Variants in SHISA9 observed in about 807,000 individuals in gnomAD.
SHISA9 encodes shisa family member 9.
In SHISA9, 13 loss-of-function variants were observed where a neutral mutation model predicts 38.0. The observed-to-expected ratio is 0.34, with a 90% CI of 0.22 to 0.54. The LOEUF is 0.54. Among genes scored for constraint, SHISA9 ranks in the 20% least tolerant of loss-of-function variants. The probability of loss-of-function intolerance (pLI) is 0.91; values close to 1 mark genes in which losing one functional copy is unlikely to be tolerated. For synonymous variants in SHISA9, 275 were observed against 242.0 expected (o/e 1.14, Z -1.27); for missense variants, 538 against 575.8 (o/e 0.93, Z 0.67).
chr16:13,546,618 T>G, the SHISA9 span, among the ~76,000 whole-genome samples: 1 of 152,214 alleles, frequency 6.6e-6, no homozygotes, highest in African/African-American at 2.4e-5. Context: ...GATTTCCTGA[T>G]GCCCTGAAGA....
the SHISA9 span, among the ~76,000 whole-genome samples, chr16:13,486,409 A>G: frequency 4.6e-5 from 7 of 152,170 alleles, no homozygotes; most frequent in African/African-American, 2.4e-5. Context: ...CTAGTACCCT[A>G]CTTCTCTGAA....
the SHISA9 span, among the ~76,000 whole-genome samples, chr16:13,540,660 C>A: frequency 6.6e-6 from 1 of 152,116 alleles, no homozygotes; most frequent in Admixed American, 6.6e-5. Flanking sequence ...TCTTCGGAAA[C>A]CAAGTTTGGG....
chr16:13,374,835 C>T, the SHISA9 span, among the ~76,000 whole-genome samples: 2 of 152,174 alleles, frequency 1.3e-5, no homozygotes, highest in Non-Finnish European at 2.9e-5. Flanking sequence ...CTGTTGTTTC[C>T]TGACTTTTTA....
intron 2 of SHISA9, among the ~76,000 whole-genome samples, chr16:13,163,453 T>C (rs760643470): frequency 5.3e-5 from 8 of 152,208 alleles, no homozygotes; most frequent in Non-Finnish European, 1.2e-4. Context: ...TGCGATTGCA[T>C]TGAGTTTAAT....
At chr16:13,555,304 G>A in the SHISA9 span, among the ~76,000 whole-genome samples, 1 of 151,832 alleles carries the variant, frequency 6.6e-6, no homozygotes, top group Non-Finnish European at 1.5e-5. Flanking sequence ...ATTTTTTCTG[G>A]GCTTATAAAC....
intron 2 of SHISA9, among the ~76,000 whole-genome samples, chr16:12,970,907 T>A (rs561471257): frequency 3.3e-5 from 5 of 152,244 alleles, no homozygotes; most frequent in African/African-American, 1.2e-4. Flanking sequence ...TTACTGTATT[T>A]GTCTGCAGTG....
At chr16:13,535,956 A>G in the SHISA9 span, among the ~76,000 whole-genome samples, 2 of 152,078 alleles carry the variant, frequency 1.3e-5, no homozygotes, top group East Asian at 1.9e-4. Context: ...TGTTCGTCCA[A>G]TAGACCAAGA....
chr16:13,462,910 C>T, the SHISA9 span, among the ~76,000 whole-genome samples: 14 of 152,002 alleles, frequency 9.2e-5, 1 homozygote, highest in South Asian at 1.5e-3. Context: ...TGCAGGGAGC[C>T]GAGATCGCAC....
At chr16:12,947,733 C>A (rs762480968) in intron 2 of SHISA9, among the ~76,000 whole-genome samples, 1 of 152,156 alleles carries the variant, frequency 6.6e-6, no homozygotes, top group African/African-American at 2.4e-5. Context: ...ATTAATCACA[C>A]GAAGGAAAGA....
chr16:13,172,675 G>C lies in SHISA9; in HGVS notation c.692-30719G>C, dbSNP rs1345857300. Among the ~76,000 whole-genome samples, 3 of 150,298 alleles carry C rather than the reference G, an allele frequency of 2.0e-5. No individual in the cohort carries two copies. The East Asian group carries it at 5.8e-4, about 29-fold the overall frequency. ...ACAATGTCAGCCTGGTTTCGCGTCT[G>C]TTTAGGCCCATGAGAGAGTACCAAG... On this transcript the variant is annotated intron_variant, in intron 2 of 4. Transcript: ENST00000558583.
At chr16:13,550,218 C>T in the SHISA9 span, among the ~76,000 whole-genome samples, 1 of 151,966 alleles carries the variant, frequency 6.6e-6, no homozygotes, top group African/African-American at 2.4e-5. Flanking sequence ...GAGGCATTCA[C>T]ATCCCCCTCT....
chr16:13,193,293 A>T (rs6498394), intron 2 of SHISA9, among the ~76,000 whole-genome samples: 78,453 of 151,858 alleles, frequency 0.52, 21,612 homozygotes, highest in African/African-American at 0.72. Flanking sequence ...AGGATGGTTT[A>T]ACTTAAGAGA....
chr16:13,487,976 C>T, the SHISA9 span, among the ~76,000 whole-genome samples: 1 of 152,174 alleles, frequency 6.6e-6, no homozygotes, highest in Admixed American at 6.5e-5. Context: ...AGGGATCTCA[C>T]TCAATGAGAC....
the SHISA9 span, among the ~76,000 whole-genome samples, chr16:13,298,625 C>A: frequency 5.8e-3 from 887 of 152,270 alleles, 7 homozygotes; most frequent in African/African-American, 0.02. Flanking sequence ...TTGTCTGACT[C>A]TAGGGCTTGA....
chr16:13,275,763 A>C, the SHISA9 span, among the ~76,000 whole-genome samples: 6 of 151,916 alleles, frequency 3.9e-5, no homozygotes, highest in African/African-American at 1.2e-4. Context: ...TTTCTTTACT[A>C]ATATTCCTTT....
chr16:13,218,052 G>A lies in SHISA9; in HGVS notation c.895+4752G>A, dbSNP rs2051188000. On this transcript the variant is annotated intron_variant, in intron 4 of 4. Coordinates refer to ENST00000558583, the MANE Select transcript of SHISA9 (RefSeq NM_001145204.3). ...GGAGGGAGGGAGGGAGGGAAGGAAG[G>A]TAGGAAGGAAGGAAGGAAAAAAAGA... Among the ~76,000 whole-genome samples the A allele has an allele frequency of 1.3e-5, 2 of 151,862 alleles. 1 individual carries two copies. Among genetic ancestry groups the A allele is most frequent in the South Asian group, 4.1e-4 (2 of 4,822 alleles).
At chr16:12,953,208 T>TCAACAA (rs71393724) in intron 2 of SHISA9, among the ~76,000 whole-genome samples, 109 of 148,672 alleles carry the variant, frequency 7.3e-4, no homozygotes, top group East Asian at 2.0e-3. Context: ...AAAAAACCCC[T>TCAACAA]CAACAACAAC....
intron 2 of SHISA9, among the ~76,000 whole-genome samples, chr16:13,158,478 G>A: frequency 6.6e-6 from 1 of 152,254 alleles, no homozygotes; most frequent in Admixed American, 6.5e-5. Context: ...AGCTGTCCTG[G>A]GAGGACCCTG....
chr16:12,981,231 CA>C (rs2072235881), intron 2 of SHISA9, among the ~76,000 whole-genome samples: 6 of 152,174 alleles, frequency 3.9e-5, no homozygotes. Flanking sequence ...TGGGGAACCC[CA>C]GATACCAGAA....
Sources: allele counts gnomAD v4.1 joint callset (sites outside exome capture counted in the v4.1 genomes callset), GRCh38; gene constraint gnomAD v4.1.1; transcripts MANE v1.5; gene names NCBI Gene and HGNC (gene_info 2026-07-23, HGNC 2026-07-21).